The following SMYD4 variants were observed in gnomAD, a reference collection of about 807,000 sequenced individuals.
The protein encoded by SMYD4 is SET and MYND domain containing 4.
SMYD4 carries 68 observed loss-of-function variants against 72.8 expected under a neutral mutation model. The observed-to-expected ratio is 0.93, with a 90% CI of 0.77 to 1.14. SMYD4 has a LOEUF of 1.14. Among genes scored for constraint, SMYD4 ranks in the 50% most tolerant of loss-of-function variants. The pLI, the probability that SMYD4 is intolerant of heterozygous loss-of-function variation, is 0.00. For missense variants in SMYD4, 984 were observed against 1,003.7 expected (o/e 0.98, Z 0.27); for synonymous variants, 407 against 388.6 (o/e 1.05, Z -0.56).
At position 1,804,808 on chromosome 17, in the gene SMYD4, G is replaced by T. The variant is rs937878258; in HGVS notation, c.280-93C>A. ...ATTCCGGGCTCTAGTACTGAAGACT[G>T]TGTGAAACTGGGAAAGTTACTGAAC... On this transcript the variant is annotated intron_variant, in intron 3 of 10. Coordinates refer to ENST00000305513, the MANE Select transcript of SMYD4 (RefSeq NM_052928.3). The T allele has an allele frequency of 3.2e-6, 4 of 1,240,684 alleles. 1 individual carries two copies. The Admixed American group carries it at 5.7e-5, about 18-fold the overall frequency. 76.9% of individuals were successfully genotyped at this position (1,240,684 alleles called of 1,614,324 possible).
At chr17:1,824,710 C>G (rs754577845) in intron 2 of SMYD4, among the ~76,000 whole-genome samples, 1 of 152,162 alleles carries the variant, frequency 6.6e-6, no homozygotes, top group Non-Finnish European at 1.5e-5. Flanking sequence ...CCCTCCGTCT[C>G]CCAGGTTCAA....
chr17:1,799,813 T>C, intron 5 of SMYD4, 44 bp downstream of exon 5: 1 of 1,501,252 alleles, frequency 6.7e-7, no homozygotes, highest in South Asian at 1.3e-5. Context: ...ACCTGCTCCA[T>C]CGAGAACAAT....
In SMYD4 at chr17:1,795,747, GTT is replaced by G. The variant is rs368038317; in HGVS notation, c.1537+4108_1537+4109del. ...ATGAGCCACTGTGCCTGGCCCGTGA[GTT>G]TTTTTTTTTTTTTTTTAAGTATTTT... On this transcript the variant is annotated intron_variant, in intron 5 of 10. Coordinates refer to ENST00000305513, the MANE Select transcript of SMYD4 (RefSeq NM_052928.3). Among the ~76,000 whole-genome samples, 16 of 128,446 alleles carry G rather than the reference GTT, an allele frequency of 1.2e-4. 1 individual carries two copies. Among genetic ancestry groups the G allele is most frequent in the South Asian group, 7.5e-4 (3 of 3,974 alleles). The allele number at this position is 128,446 out of a possible 152,430, so 84.3% of individuals were successfully genotyped here.
chr17:1,814,537 C>A (rs1380989240), intron 2 of SMYD4: 1 of 151,544 alleles, frequency 6.6e-6, no homozygotes, highest in Non-Finnish European at 1.5e-5. Flanking sequence ...AGACAAGTCA[C>A]AAATAGGGCT....
At position 1,787,620 on chromosome 17, in the gene SMYD4, G is replaced by T; in HGVS notation, c.1538-16C>A. Reference sequence around the variant, plus strand: ...CCTTTAGGTCCTGAAAGGGCAAGAGGAAAGAAGGAAAAAGGTGTCAGCACA... The same window carrying T: ...CCTTTAGGTCCTGAAAGGGCAAGAGTAAAGAAGGAAAAAGGTGTCAGCACA... On this transcript the variant is annotated splice_polypyrimidine_tract_variant and intron_variant, in intron 5 of 10. Transcript: ENST00000305513. 1.0e-5 allele frequency: 16 copies of T among 1,558,564 alleles called. No individual in the cohort carries two copies. Among genetic ancestry groups the T allele is most frequent in the Non-Finnish European group, 1.4e-5 (16 of 1,152,086 alleles).
At chr17:1,799,230 G>A (rs1909572911) in intron 5 of SMYD4, among the ~76,000 whole-genome samples, 1 of 150,770 alleles carries the variant, frequency 6.6e-6, no homozygotes, top group Non-Finnish European at 1.5e-5. Flanking sequence ...CTGCACCCCA[G>A]CCTGGGGGTG....
chr17:1,781,179 C>T lies in SMYD4; in HGVS notation c.*107G>A. 1 of 1,435,068 alleles carries T rather than the reference C, an allele frequency of 7.0e-7. No individual in the cohort carries two copies. Among genetic ancestry groups the T allele is most frequent in the South Asian group, 1.4e-5 (1 of 71,410 alleles). The allele number at this position is 1,435,068 out of a possible 1,614,324, so 88.9% of individuals were successfully genotyped here. A position where few individuals can be genotyped will look rare whatever the true frequency, so the allele number is the denominator to read the frequency against. On this transcript the variant is annotated 3_prime_UTR_variant, in exon 11 of 11. Coordinates refer to ENST00000305513, the MANE Select transcript of SMYD4 (RefSeq NM_052928.3). ...CAGGTGATCCGCCCACCTTAGCCTCCCAAAGTGCTGGGATTACAGGCGTGA... is the reference window on the plus strand; with the variant it reads ...CAGGTGATCCGCCCACCTTAGCCTCTCAAAGTGCTGGGATTACAGGCGTGA...
intron 4 of SMYD4, among the ~76,000 whole-genome samples, chr17:1,801,273 C>G (rs1909734422): frequency 2.0e-5 from 3 of 151,908 alleles, no homozygotes; most frequent in Non-Finnish European, 4.4e-5. Context: ...GAGTCTCGCT[C>G]TGTCGCCCAG....
chr17:1,812,038 T>C lies in SMYD4; in HGVS notation c.212A>G (p.Tyr71Cys), dbSNP rs757381518. The change falls in exon 3 of 11, where the codon TAC becomes TGC. Residue 71 changes from tyrosine to cysteine, a missense_variant. Coordinates refer to ENST00000305513, the MANE Select transcript of SMYD4 (RefSeq NM_052928.3). ...VGKDSDAPLF[Y>C]REEGNKKFQE... ...AAATTTTTTGTTTCCTTCTTCTCTG[T>C]AGAAAAGAGGAGCGTCCGAGTCCTT... 5.6e-6 allele frequency: 9 copies of C among 1,614,044 alleles called. No homozygotes were observed. The Admixed American group carries it at 1.3e-4, about 24-fold the overall frequency.
intron 7 of SMYD4, chr17:1,784,662 G>C (rs777825259): frequency 1.4e-6 from 1 of 718,386 alleles, no homozygotes; most frequent in Non-Finnish European, 1.7e-6. Context: ...ATCAGCAGTA[G>C]CTGATCCCAC....
At chr17:1,783,530 A>G (rs1396990766) in intron 8 of SMYD4, 54 bp from the exon 9 acceptor site, 1 of 1,551,272 alleles carries the variant, frequency 6.4e-7, no homozygotes, top group African/African-American at 1.4e-5. Context: ...AGTCCTAGGA[A>G]TGAGAATCCA....
At chr17:1,808,552 AC>A (rs956473507) in intron 3 of SMYD4, among the ~76,000 whole-genome samples, 13 of 152,292 alleles carry the variant, frequency 8.5e-5, no homozygotes, top group African/African-American at 2.4e-4. Context: ...TTACAATCAG[AC>A]AAAAACAACA....
chr17:1,808,740 ATG>A (rs577590215), intron 3 of SMYD4, among the ~76,000 whole-genome samples: 3 of 152,172 alleles, frequency 2.0e-5, no homozygotes, highest in Non-Finnish European at 4.4e-5. Context: ...AGAACTTCCC[ATG>A]TGATCACATT....
Position 1,786,861 on chromosome 17 carries a change from T to G in SMYD4, c.1833A>C (p.Ala611=). ...AACAGAATGCTTCCCACCTGGGCCC[T>G]GCAGCCATCCTGTGTGCCTCAGTTT... ...ACQTEAHRMA[A]GPRWEAFCCN... The change falls in exon 7 of 11, where the codon GCA becomes GCC. Residue 611 remains alanine (A), a synonymous_variant. Coordinates refer to ENST00000305513, the MANE Select transcript of SMYD4 (RefSeq NM_052928.3). 1 of 1,614,180 alleles carries G rather than the reference T, an allele frequency of 6.2e-7. No individual in the cohort carries two copies. Among genetic ancestry groups the G allele is most frequent in the Non-Finnish European group, 8.5e-7 (1 of 1,180,004 alleles).
At position 1,812,086 on chromosome 17, in the gene SMYD4, A is replaced by G. The variant is rs759336758; in HGVS notation, c.164T>C (p.Leu55Pro). The G allele has an allele frequency of 3.7e-6, 6 of 1,614,004 alleles. No individual in the cohort carries two copies. The African/African-American group carries it at 6.7e-5, about 18-fold the overall frequency. The part of the protein sequence containing the change: ...QPEDELFLKR[L>P]SKGYLVGKDS... ...CTTTCCCACCAAGTAACCTTTAGAA[A>G]GTCTTTTTAGAAACAGCTCATCCTC... The change falls in exon 3 of 11, where the codon CTT becomes CCT. Residue 55 changes from leucine to proline, a missense_variant. Coordinates refer to ENST00000305513, the MANE Select transcript of SMYD4 (RefSeq NM_052928.3).
intron 2 of SMYD4, among the ~76,000 whole-genome samples, chr17:1,814,039 G>A (rs1012462807): frequency 7.2e-5 from 11 of 152,234 alleles, no homozygotes; most frequent in African/African-American, 1.9e-4. Context: ...GGCCAGGTGC[G>A]GTGGCTCACG....
intron 2 of SMYD4, among the ~76,000 whole-genome samples, chr17:1,814,220 G>A (rs1910471832): frequency 6.6e-6 from 1 of 151,866 alleles, no homozygotes; most frequent in South Asian, 2.1e-4. Context: ...TGGGAGGACT[G>A]CCTGAGCCCA....
At position 1,787,559 on chromosome 17, in the gene SMYD4, G is replaced by C. The variant is rs757598358; in HGVS notation, c.1583C>G (p.Ala528Gly). 6.3e-6 allele frequency: 10 copies of C among 1,595,642 alleles called. No individual in the cohort carries two copies. The Admixed American group carries it at 1.6e-4, about 25-fold the overall frequency. Residue 528 changes from alanine to glycine, a missense_variant, in exon 6 of 11, where the codon GCC becomes GGC. Physicochemically the swap from Ala to Gly is moderately conservative, Grantham distance 60. Transcript: ENST00000305513. ...IVTDSRQVRL[A>G]TGIFPVISLL... Reference sequence around the variant, plus strand: ...GCTGATAACAGGGAAGATGCCTGTGGCAAGGCGCACCTGCCTGCTGTCGGT... The same window carrying C: ...GCTGATAACAGGGAAGATGCCTGTGCCAAGGCGCACCTGCCTGCTGTCGGT...
chr17:1,807,811 C>A (rs9913613), intron 3 of SMYD4, among the ~76,000 whole-genome samples: 19,824 of 152,074 alleles, frequency 0.13, 1,621 homozygotes, highest in African/African-American at 0.23. Flanking sequence ...TTTACACACG[C>A]CTGGAGTATG....
Sources: gnomAD v4.1 joint callset for allele counts (sites outside exome capture counted in the v4.1 genomes callset) on GRCh38, gnomAD v4.1.1 for gene constraint, MANE v1.5 for transcripts, NCBI Gene and HGNC (gene_info 2026-07-23, HGNC 2026-07-21) for gene names.